The following PARD3 variants were observed in gnomAD, a reference collection of about 807,000 sequenced individuals.
PARD3 encodes partitioning defective 3 homolog.
Under a neutral mutation model 155.4 loss-of-function variants are expected in PARD3, and 75 were observed. The observed-to-expected ratio is 0.48, with a 90% CI of 0.40 to 0.58. The LOEUF is 0.58. Among genes scored for constraint, PARD3 ranks in the 20% least tolerant of loss-of-function variants. PARD3 has a pLI of 0.00. For missense variants in PARD3, 1,642 were observed against 1,721.7 expected, an observed-to-expected ratio of 0.95 and a Z score of 0.82; for synonymous variants, 576 against 610.5, an observed-to-expected ratio of 0.94 and a Z score of 0.83.
At chr10:34,672,416 T>C (rs558751569) in intron 2 of PARD3, among the ~76,000 whole-genome samples, 3 of 152,360 alleles carry the variant, frequency 2.0e-5, no homozygotes, top group Middle Eastern at 3.4e-3. Context: ...TTCATTCTGA[T>C]CTTACAGAAA....
chr10:34,515,821 A>T (rs1193280203), intron 3 of PARD3, among the ~76,000 whole-genome samples: 1 of 151,944 alleles, frequency 6.6e-6, no homozygotes, highest in Non-Finnish European at 1.5e-5. Flanking sequence ...TATCTTAATT[A>T]TATATATATT....
chr10:34,314,828 C>CTTGAA (rs1957910494), intron 20 of PARD3, among the ~76,000 whole-genome samples: 1 of 152,098 alleles, frequency 6.6e-6, no homozygotes, highest in Non-Finnish European at 1.5e-5. Context: ...GTATTAATTA[C>CTTGAA]CTTTGCTTTT....
intron 2 of PARD3, among the ~76,000 whole-genome samples, chr10:34,580,855 A>C (rs953382580): frequency 6.6e-5 from 10 of 152,310 alleles, no homozygotes; most frequent in African/African-American, 2.4e-4. Flanking sequence ...TGCTCACACA[A>C]GGAAATGTGT....
intron 2 of PARD3, among the ~76,000 whole-genome samples, chr10:34,681,249 C>T (rs540282858): frequency 3.9e-5 from 6 of 152,134 alleles, no homozygotes; most frequent in South Asian, 4.1e-4. Context: ...CCACTTTATC[C>T]CAGTAATTTA....
chr10:34,742,353 G>A (rs1434505059), intron 1 of PARD3, among the ~76,000 whole-genome samples: 1 of 152,174 alleles, frequency 6.6e-6, no homozygotes, highest in African/African-American at 2.4e-5. Flanking sequence ...AAAAGAGATT[G>A]TTCAGCTAGA....
intron 3 of PARD3, among the ~76,000 whole-genome samples, chr10:34,480,984 T>C (rs1359431588): frequency 6.6e-6 from 1 of 151,864 alleles, no homozygotes; most frequent in African/African-American, 2.4e-5. Context: ...GTAATTTTAA[T>C]AGAGATGGGG....
At chr10:34,151,483 T>C (rs1003113550) in intron 22 of PARD3, among the ~76,000 whole-genome samples, 7 of 152,182 alleles carry the variant, frequency 4.6e-5, no homozygotes, top group South Asian at 2.1e-4. Flanking sequence ...TGAGTGTATA[T>C]ATGTACAGCT....
intron 3 of PARD3, among the ~76,000 whole-genome samples, chr10:34,509,813 A>G (rs576020673): frequency 6.6e-6 from 1 of 152,114 alleles, no homozygotes; most frequent in Non-Finnish European, 1.5e-5. Flanking sequence ...AAAAAAAAGC[A>G]TCACCTGTCC....
At chr10:34,510,016 A>C (rs1402697290) in intron 3 of PARD3, among the ~76,000 whole-genome samples, 1 of 152,222 alleles carries the variant, frequency 6.6e-6, no homozygotes, top group African/African-American at 2.4e-5. Flanking sequence ...GCTCATTGAT[A>C]TATCTATAAA....
chr10:34,119,541 A>C (rs1168647405), intron 24 of PARD3, 72 bp downstream of exon 24: 6 of 1,444,646 alleles, frequency 4.2e-6, no homozygotes, highest in Non-Finnish European at 5.6e-6. Context: ...CTTGGGAAGG[A>C]GCGCGTTCCT....
At chr10:34,662,764 C>T (rs1026912729) in intron 2 of PARD3, among the ~76,000 whole-genome samples, 2 of 151,586 alleles carry the variant, frequency 1.3e-5, no homozygotes, top group Admixed American at 1.3e-4. Flanking sequence ...TCCAGCTACT[C>T]GGGAGGCTGG....
intron 2 of PARD3, among the ~76,000 whole-genome samples, chr10:34,683,517 T>G (rs1405458075): frequency 6.7e-6 from 1 of 149,756 alleles, no homozygotes; most frequent in Non-Finnish European, 1.5e-5. Context: ...GCAGGCAGTG[T>G]GGCTCCACAG....
intron 22 of PARD3, among the ~76,000 whole-genome samples, chr10:34,216,746 T>C (rs1952020800): frequency 6.6e-6 from 1 of 152,252 alleles, no homozygotes; most frequent in African/African-American, 2.4e-5. Context: ...CTGCTTTAAA[T>C]GTTTTATAAA....
chr10:34,270,143 T>C (rs1234231375), intron 21 of PARD3, among the ~76,000 whole-genome samples: 1 of 144,730 alleles, frequency 6.9e-6, no homozygotes, highest in African/African-American at 2.6e-5. Context: ...TTTAAATCTT[T>C]TTTTTTTTTT....
At chr10:34,138,379 C>T (rs756755144) in intron 22 of PARD3, among the ~76,000 whole-genome samples, 8 of 152,166 alleles carry the variant, frequency 5.3e-5, no homozygotes, top group African/African-American at 7.2e-5. Context: ...TCGACCTCCC[C>T]GCTACTGCAC....
At chr10:34,495,589 G>A (rs1442124625) in intron 3 of PARD3, among the ~76,000 whole-genome samples, 6 of 152,280 alleles carry the variant, frequency 3.9e-5, no homozygotes, top group Middle Eastern at 3.4e-3. Context: ...CCCATTAATA[G>A]GGGCAAGGCT....
chr10:34,249,103 A>G (rs1383523532), intron 22 of PARD3, among the ~76,000 whole-genome samples: 2 of 152,216 alleles, frequency 1.3e-5, no homozygotes, highest in Non-Finnish European at 2.9e-5. Context: ...AAGTATCAAT[A>G]AGTTAATAAA....
intron 2 of PARD3, among the ~76,000 whole-genome samples, chr10:34,674,835 A>C (rs1279148209): frequency 6.6e-6 from 1 of 152,168 alleles, no homozygotes; most frequent in Non-Finnish European, 1.5e-5. Context: ...TTCCCGGTCT[A>C]AGCCCAATTT....
intron 22 of PARD3, among the ~76,000 whole-genome samples, chr10:34,153,158 G>C (rs560881693): frequency 7.9e-4 from 121 of 152,252 alleles, no homozygotes; most frequent in African/African-American, 2.8e-3. Flanking sequence ...GAAGTACACT[G>C]AGTATACACG....
Sources: allele counts gnomAD v4.1 joint callset (sites outside exome capture counted in the v4.1 genomes callset), GRCh38; gene constraint gnomAD v4.1.1; transcripts MANE v1.5; gene names NCBI Gene and HGNC (gene_info 2026-07-23, HGNC 2026-07-21).